The following GRM5 variants were observed in gnomAD, a reference collection of about 807,000 sequenced individuals.
The protein encoded by GRM5 is glutamate metabotropic receptor 5.
GRM5 carries 19 observed loss-of-function variants against 83.1 expected under a neutral mutation model. The ratio of observed to expected loss-of-function variants is 0.23; its 90% CI spans 0.16 to 0.34. GRM5 has a LOEUF of 0.34. GRM5 is among the 10% of genes least tolerant of loss of function. The pLI, the probability that GRM5 is intolerant of heterozygous loss-of-function variation, is 1.00. For synonymous variants in GRM5, 675 were observed against 633.6 expected (o/e 1.07, Z -0.98); for missense variants, 1,160 against 1,588.3 (o/e 0.73, Z 4.58).
chr11:88,509,958 CAGAG>C (rs1158077660), intron 9 of GRM5, among the ~76,000 whole-genome samples: 1 of 152,092 alleles, frequency 6.6e-6, no homozygotes, highest in Non-Finnish European at 1.5e-5. Context: ...CAACAATCAT[CAGAG>C]AGGAGGGAAG....
chr11:88,784,017 C>T (rs1943022154), intron 3 of GRM5, among the ~76,000 whole-genome samples: 1 of 152,014 alleles, frequency 6.6e-6, no homozygotes. Context: ...GAGCCGATTA[C>T]ATTAATTTCT....
chr11:88,603,199 G>A (rs893628129), intron 5 of GRM5, among the ~76,000 whole-genome samples: 6 of 152,204 alleles, frequency 3.9e-5, no homozygotes, highest in South Asian at 2.1e-4. Context: ...ATAAGGTAGC[G>A]ATGTTCTGCC....
rs529026856 is a variant in GRM5 at position 88,990,252 on chromosome 11, G to A, written c.661+56960C>T. 6.2e-4 allele frequency among the ~76,000 whole-genome samples: 95 copies of A among 152,154 alleles called. No individual in the cohort carries two copies. In the South Asian group the frequency reaches 0.017, roughly 28 times the overall value. Reference sequence around the variant, plus strand: ...CAAACACCTCTATGCAAATAAACTCGAAAATCTAGAAGAAATGGATAAATT... The same window carrying A: ...CAAACACCTCTATGCAAATAAACTCAAAAATCTAGAAGAAATGGATAAATT... On this transcript the variant is annotated intron_variant, in intron 2 of 9. Transcript: ENST00000305447.
At chr11:88,914,826 G>C (rs1422592644) in intron 2 of GRM5, among the ~76,000 whole-genome samples, 1 of 151,990 alleles carries the variant, frequency 6.6e-6, no homozygotes, top group East Asian at 1.9e-4. Flanking sequence ...CAAACGTAAA[G>C]AAAAATGTTG....
At chr11:88,966,437 C>T (rs775644115) in intron 2 of GRM5, among the ~76,000 whole-genome samples, 1 of 151,872 alleles carries the variant, frequency 6.6e-6, no homozygotes, top group African/African-American at 2.4e-5. Flanking sequence ...AAAAATAAAA[C>T]TCTAGTCATA....
intron 7 of GRM5, among the ~76,000 whole-genome samples, chr11:88,590,010 T>C (rs937286680): frequency 6.6e-6 from 1 of 152,040 alleles, no homozygotes; most frequent in Non-Finnish European, 1.5e-5. Context: ...CTGGAGAACA[T>C]GATGACATAT....
At chr11:88,999,820 A>T (rs565937182) in intron 2 of GRM5, among the ~76,000 whole-genome samples, 1 of 152,350 alleles carries the variant, frequency 6.6e-6, no homozygotes, top group Non-Finnish European at 1.5e-5. Context: ...TCACAATAGC[A>T]AAGACTTGGA....
chr11:88,559,608 C>T (rs1252948623), intron 8 of GRM5, among the ~76,000 whole-genome samples: 1 of 152,194 alleles, frequency 6.6e-6, no homozygotes, highest in Non-Finnish European at 1.5e-5. Flanking sequence ...AACTATTACT[C>T]CCTAGCTTCA....
chr11:88,911,882 CCT>C (rs1945505760), intron 2 of GRM5: 1 of 357,392 alleles, frequency 2.8e-6, no homozygotes, highest in Admixed American at 4.0e-5. Context: ...AGAAAAAGTC[CCT>C]CTTTTGGAAA....
At position 88,567,409 on chromosome 11, in the gene GRM5, C is replaced by T. The variant is rs115026017; in HGVS notation, c.2274G>A (p.Ala758=). 3.2e-4 allele frequency: 509 copies of T among 1,613,906 alleles called. 1 individual carries two copies. In the African/African-American group the frequency reaches 4.8e-3, roughly 15 times the overall value. The part of the protein sequence containing the change: ...GLLILSCTFY[A]FKTRNVPANF... ...TAGCTGGAACATTTCTGGTCTTGAA[C>T]GCATAGAAGGTGCAGCTCAAAATCA... Residue 758 remains alanine, a synonymous_variant, in exon 8 of 10, where the codon GCG becomes GCA. Transcript: ENST00000305447. The surrounding 1 kb of genome is among the most constrained non-coding windows in gnomAD (Gnocchi z 7.3).
chr11:88,869,802 C>T (rs1250896404), intron 2 of GRM5, among the ~76,000 whole-genome samples: 1 of 151,466 alleles, frequency 6.6e-6, no homozygotes, highest in Non-Finnish European at 1.5e-5. Context: ...AAAGAGAGAA[C>T]AATGCCTCTA....
At chr11:88,603,105 C>T (rs901193320) in intron 5 of GRM5, among the ~76,000 whole-genome samples, 5 of 152,120 alleles carry the variant, frequency 3.3e-5, no homozygotes, top group Non-Finnish European at 7.4e-5. Context: ...GAAAGAATAG[C>T]TATACATTTT....
chr11:89,034,101 G>A (rs1444280365), intron 2 of GRM5, among the ~76,000 whole-genome samples: 1 of 151,580 alleles, frequency 6.6e-6, no homozygotes, highest in Non-Finnish European at 1.5e-5. Context: ...AAATAAGCCA[G>A]AGAATATCTT....
At chr11:88,829,322 G>A (rs973649235) in intron 3 of GRM5, among the ~76,000 whole-genome samples, 6 of 152,002 alleles carry the variant, frequency 3.9e-5, no homozygotes, top group Admixed American at 2.0e-4. Flanking sequence ...TTGGTGGGTC[G>A]CGGAAGCACA....
At chr11:88,578,095 TTCTC>T (rs1342472990) in intron 7 of GRM5, among the ~76,000 whole-genome samples, 1 of 152,126 alleles carries the variant, frequency 6.6e-6, no homozygotes, top group Non-Finnish European at 1.5e-5. Context: ...CCAGGCTACT[TTCTC>T]TCTCTAGCTT....
chr11:88,681,695 C>T (rs868088816), intron 3 of GRM5, among the ~76,000 whole-genome samples: 1 of 150,014 alleles, frequency 6.7e-6, no homozygotes, highest in African/African-American at 2.5e-5. Context: ...CTCAGCCTCC[C>T]AAGTAGCTGG....
intron 3 of GRM5, among the ~76,000 whole-genome samples, chr11:88,728,190 G>A (rs1941724843): frequency 6.6e-6 from 1 of 151,944 alleles, no homozygotes; most frequent in African/African-American, 2.4e-5. Flanking sequence ...TGATAAAGGG[G>A]ATATCACCAC....
chr11:88,653,300 C>A lies in GRM5; in HGVS notation c.1015G>T (p.Asp339Tyr), dbSNP rs1318684073. Residue 339 changes from aspartate (D) to tyrosine (Y), a missense_variant, in exon 4 of 10, where the codon GAT becomes TAT. Asp to Tyr is a radical substitution (Grantham distance 160). Transcript: ENST00000305447. ...TCTGGCCGGAGCTTCAGATAATAAT[C>A]ATCAAACCACTTGACATCGGGAGAT... ...LQSPDVKWFD[D>Y]YYLKLRPETN... 3.7e-6 allele frequency: 6 copies of A among 1,612,978 alleles called. No individual in the cohort carries two copies. The highest frequency in any genetic ancestry group is 5.1e-6 in the Non-Finnish European group (6 of 1,179,258).
intron 7 of GRM5, among the ~76,000 whole-genome samples, chr11:88,589,169 G>C (rs1937600323): frequency 6.6e-6 from 1 of 151,976 alleles, no homozygotes; most frequent in Admixed American, 6.6e-5. Flanking sequence ...GAAAAGATAG[G>C]AATACTGCTC....
Sources: gnomAD v4.1 joint callset for allele counts (sites outside exome capture counted in the v4.1 genomes callset) on GRCh38, gnomAD v4.1.1 for gene constraint, Gnocchi (gnomAD v3.1) non-coding constraint, MANE v1.5 for transcripts, NCBI Gene and HGNC (gene_info 2026-07-23, HGNC 2026-07-21) for gene names.